The following CNTNAP2 variants were observed in gnomAD, a reference collection of about 807,000 sequenced individuals.
CNTNAP2 encodes contactin-associated protein-like 2.
Under a neutral mutation model 155.2 loss-of-function variants are expected in CNTNAP2, and 98 were observed. That is an observed-to-expected ratio of 0.63 (90% CI 0.54 to 0.75). The LOEUF is 0.75. Among genes scored for constraint, CNTNAP2 ranks in the 30% least tolerant of loss-of-function variants. The probability of loss-of-function intolerance (pLI) is 0.00; values close to 1 mark genes in which losing one functional copy is unlikely to be tolerated. For synonymous variants in CNTNAP2, 651 were observed against 631.2 expected, an observed-to-expected ratio of 1.03 and a Z score of -0.47; for missense variants, 1,727 against 1,688.1, an observed-to-expected ratio of 1.02 and a Z score of -0.40.
At chr7:147,763,189 G>A (rs552816464) in intron 13 of CNTNAP2, among the ~76,000 whole-genome samples, 39 of 151,774 alleles carry the variant, frequency 2.6e-4, no homozygotes, top group African/African-American at 7.5e-4. Context: ...AACCCGGGAG[G>A]CGGAGGTTGT....
chr7:147,798,830 A>C (rs1299624060), intron 13 of CNTNAP2, among the ~76,000 whole-genome samples: 1 of 152,230 alleles, frequency 6.6e-6, no homozygotes, highest in Non-Finnish European at 1.5e-5. Context: ...AAAGGAGAGC[A>C]GAGAATGAAC....
intron 21 of CNTNAP2, among the ~76,000 whole-genome samples, chr7:148,320,662 G>A (rs1056650548): frequency 3.3e-5 from 5 of 152,056 alleles, no homozygotes; most frequent in African/African-American, 1.2e-4. Flanking sequence ...GGGATTACAG[G>A]CGTGAGCCAC....
chr7:146,782,695 C>G (rs750360817), intron 2 of CNTNAP2, among the ~76,000 whole-genome samples: 78 of 151,922 alleles, frequency 5.1e-4, no homozygotes, highest in Non-Finnish European at 6.0e-4. Context: ...AAGTATGGTC[C>G]CTCTACTTGT....
chr7:146,228,657 C>G (rs145017345), intron 1 of CNTNAP2, among the ~76,000 whole-genome samples: 251 of 152,176 alleles, frequency 1.6e-3, no homozygotes, highest in African/African-American at 5.8e-3. Flanking sequence ...ACATTAACTC[C>G]TCTCTTAGAT....
intron 2 of CNTNAP2, among the ~76,000 whole-genome samples, chr7:146,823,325 T>G (rs914808239): frequency 6.7e-6 from 1 of 148,576 alleles, no homozygotes; most frequent in Non-Finnish European, 1.5e-5. Context: ...ATATACTCAT[T>G]CTTCAGTATA....
chr7:146,686,451 C>CTAAAATATTTGTAAAT (rs1563188562), intron 1 of CNTNAP2, among the ~76,000 whole-genome samples: 1 of 152,094 alleles, frequency 6.6e-6, no homozygotes, highest in Non-Finnish European at 1.5e-5. Context: ...TCTCCAGTTA[C>CTAAAATATTTGTAAAT]CAACAAATAT....
chr7:146,905,955 G>A (rs577944450), intron 3 of CNTNAP2, among the ~76,000 whole-genome samples: 62 of 152,294 alleles, frequency 4.1e-4, no homozygotes, highest in African/African-American at 1.3e-3. Context: ...CACACCGTGC[G>A]CGAGCCGAAG....
At chr7:146,672,614 T>G (rs960433615) in intron 1 of CNTNAP2, among the ~76,000 whole-genome samples, 6 of 152,158 alleles carry the variant, frequency 3.9e-5, no homozygotes, top group Admixed American at 2.0e-4. Context: ...GAAAACAAAC[T>G]GTGTCACTAA....
chr7:147,416,492 G>A (rs892286761), intron 10 of CNTNAP2, among the ~76,000 whole-genome samples: 2 of 152,198 alleles, frequency 1.3e-5, no homozygotes, highest in African/African-American at 2.4e-5. Context: ...TACAACTCCA[G>A]TGTTCACAGT....
At chr7:148,324,773 T>TA (rs1797860560) in intron 21 of CNTNAP2, among the ~76,000 whole-genome samples, 1 of 118,040 alleles carries the variant, frequency 8.5e-6, no homozygotes, top group African/African-American at 3.4e-5. Flanking sequence ...CCAGCTTGGG[T>TA]GACAGAGTAA....
intron 8 of CNTNAP2, among the ~76,000 whole-genome samples, chr7:147,263,227 A>G (rs1804531621): frequency 2.0e-5 from 3 of 151,956 alleles, no homozygotes; most frequent in Non-Finnish European, 4.4e-5. Flanking sequence ...GTGGTGATAC[A>G]TGCCTGTGGT....
At chr7:147,612,810 T>G (rs929255095) in intron 12 of CNTNAP2, among the ~76,000 whole-genome samples, 4 of 152,234 alleles carry the variant, frequency 2.6e-5, no homozygotes, top group African/African-American at 9.6e-5. Context: ...TAAATGCTCC[T>G]CTTACTTGCA....
chr7:147,384,488 T>G (rs982826376), intron 9 of CNTNAP2, among the ~76,000 whole-genome samples: 5 of 152,140 alleles, frequency 3.3e-5, no homozygotes, highest in African/African-American at 1.2e-4. Context: ...ATTCAGAGTC[T>G]TTGAAAGCCA....
intron 2 of CNTNAP2, among the ~76,000 whole-genome samples, chr7:146,775,068 A>G (rs905089263): frequency 1.7e-4 from 26 of 152,208 alleles, no homozygotes; most frequent in African/African-American, 5.5e-4. Flanking sequence ...GAAAGAAACA[A>G]TATTATCTCA....
At chr7:146,291,531 A>G (rs1800428999) in intron 1 of CNTNAP2, among the ~76,000 whole-genome samples, 1 of 152,058 alleles carries the variant, frequency 6.6e-6, no homozygotes, top group African/African-American at 2.4e-5. Flanking sequence ...AGCCTAAAAT[A>G]TTTGCTACTT....
chr7:146,300,268 A>G (rs1049259865), intron 1 of CNTNAP2, among the ~76,000 whole-genome samples: 1 of 152,236 alleles, frequency 6.6e-6, no homozygotes, highest in Non-Finnish European at 1.5e-5. Context: ...CATTTAGTCC[A>G]TAAATTAAAT....
chr7:146,804,491 T>C (rs1049623661), intron 2 of CNTNAP2, among the ~76,000 whole-genome samples: 6 of 152,206 alleles, frequency 3.9e-5, no homozygotes, highest in Non-Finnish European at 5.9e-5. Context: ...GATAAATACA[T>C]TTTCTTTTTG....
chr7:147,069,851 T>G (rs750521184), intron 4 of CNTNAP2, among the ~76,000 whole-genome samples: 1 of 152,218 alleles, frequency 6.6e-6, no homozygotes, highest in Non-Finnish European at 1.5e-5. Flanking sequence ...TATGGAGCAT[T>G]CAAAATGTGG....
chr7:148,388,563 G>C (rs1310146407), intron 22 of CNTNAP2, among the ~76,000 whole-genome samples: 1 of 152,114 alleles, frequency 6.6e-6, no homozygotes, highest in Non-Finnish European at 1.5e-5. Flanking sequence ...ATTTGGGTTG[G>C]TTCCAAGTCT....
Sources: gnomAD v4.1 joint callset for allele counts (sites outside exome capture counted in the v4.1 genomes callset) on GRCh38, gnomAD v4.1.1 for gene constraint, MANE v1.5 for transcripts, NCBI Gene and HGNC (gene_info 2026-07-23, HGNC 2026-07-21) for gene names.